FGGY: variants seen among roughly 807,000 people sequenced by gnomAD.
The protein encoded by FGGY is FGGY carbohydrate kinase domain-containing protein.
FGGY carries 72 observed loss-of-function variants against 71.3 expected under a neutral mutation model. That is an observed-to-expected ratio of 1.01 (90% confidence interval 0.84 to 1.23). FGGY has a LOEUF of 1.23. Ranked by LOEUF, FGGY falls within the 50% of genes most tolerant of loss-of-function variation. The pLI is 0.00. For missense variants in FGGY, 668 were observed against 682.3 expected (o/e 0.98, Z 0.23); for synonymous variants, 251 against 250.3 (o/e 1.00, Z -0.02).
chr1:59,735,186 C>T (rs922116623), intron 14 of FGGY, among the ~76,000 whole-genome samples: 1 of 152,150 alleles, frequency 6.6e-6, no homozygotes, highest in Admixed American at 6.5e-5. Flanking sequence ...CCTTCACTCT[C>T]CCCCTCTCCA....
At chr1:59,725,524 CA>C (rs1417002474) in intron 14 of FGGY, among the ~76,000 whole-genome samples, 2 of 152,020 alleles carry the variant, frequency 1.3e-5, no homozygotes, top group Non-Finnish European at 2.9e-5. Context: ...GCTGAAAATT[CA>C]ATTTATTTAT....
chr1:59,697,366 AC>A lies in FGGY; in HGVS notation c.1512+23237del, dbSNP rs2097670001. ...TAACTCTGCATTGCCCCCTCCCCCA[AC>A]CCCTAGCAACCACCATTCTACTTTC... On this transcript the variant is annotated intron_variant, in intron 14 of 15. Coordinates refer to ENST00000303721, the MANE Select transcript of FGGY (RefSeq NM_018291.5). Among the ~76,000 whole-genome samples the A allele has an allele frequency of 2.0e-5, 3 of 151,834 alleles. No individual in the cohort carries two copies. The South Asian group carries it at 6.2e-4, about 32-fold the overall frequency.
chr1:59,548,952 G>T (rs2095566902), intron 7 of FGGY, among the ~76,000 whole-genome samples: 1 of 152,168 alleles, frequency 6.6e-6, no homozygotes, highest in Non-Finnish European at 1.5e-5. Flanking sequence ...ACATAAAGAA[G>T]ATAAGAAATC....
At chr1:59,324,539 G>A (rs1456458105) in intron 2 of FGGY, among the ~76,000 whole-genome samples, 1 of 151,954 alleles carries the variant, frequency 6.6e-6, no homozygotes, top group Non-Finnish European at 1.5e-5. Flanking sequence ...GCCTCCCAAA[G>A]TGCTGGGATT....
At position 59,512,438 on chromosome 1, in the gene FGGY, A is replaced by G. The variant is rs770249678; in HGVS notation, c.798A>G (p.Leu266=). ...TCATTGATGCCCATGCAGGAGGACTAGGTAATCTCTTATTTGTTGCCTACA... is the reference window on the plus strand; with the variant it reads ...TCATTGATGCCCATGCAGGAGGACTGGGTAATCTCTTATTTGTTGCCTACA... The part of the protein sequence containing the change: ...ASLIDAHAGG[L]GVIGADVRGH... The change falls in exon 7 of 16, where the codon CTA becomes CTG. Residue 266 remains leucine, a splice_region_variant and synonymous_variant. Coordinates refer to ENST00000303721, the MANE Select transcript of FGGY (RefSeq NM_018291.5). 9 of 1,612,990 alleles carry G rather than the reference A, an allele frequency of 5.6e-6. No individual in the cohort carries two copies. Among genetic ancestry groups the G allele is most frequent in the Non-Finnish European group, 7.6e-6 (9 of 1,179,460 alleles).
At chr1:59,696,739 A>T (rs934027343) in intron 14 of FGGY, among the ~76,000 whole-genome samples, 1 of 152,232 alleles carries the variant, frequency 6.6e-6, no homozygotes, top group African/African-American at 2.4e-5. Flanking sequence ...TGGCTCGCAA[A>T]AAGGATCTGA....
chr1:59,369,486 C>A (rs898833531), intron 4 of FGGY, among the ~76,000 whole-genome samples: 4 of 152,184 alleles, frequency 2.6e-5, no homozygotes, highest in East Asian at 1.9e-4. Flanking sequence ...GGGGGCAGGG[C>A]ACAGACAAAC....
chr1:59,563,792 A>G (rs1050864684), intron 8 of FGGY, among the ~76,000 whole-genome samples: 1 of 152,184 alleles, frequency 6.6e-6, no homozygotes, highest in African/African-American at 2.4e-5. Flanking sequence ...TTCAAACTCT[A>G]CTACAAGGCT....
At chr1:59,658,176 CTA>C (rs1476482002) in intron 11 of FGGY, among the ~76,000 whole-genome samples, 1 of 152,146 alleles carries the variant, frequency 6.6e-6, no homozygotes, top group Non-Finnish European at 1.5e-5. Flanking sequence ...ATCAGAACAC[CTA>C]CATTCTGGTG....
chr1:59,372,735 G>C (rs996643454), intron 4 of FGGY, among the ~76,000 whole-genome samples: 3 of 152,132 alleles, frequency 2.0e-5, no homozygotes, highest in African/African-American at 7.2e-5. Context: ...GTCATCCCTG[G>C]GATGTAAGGC....
At chr1:59,744,007 A>G (rs993965287) in intron 14 of FGGY, among the ~76,000 whole-genome samples, 5 of 152,236 alleles carry the variant, frequency 3.3e-5, no homozygotes, top group African/African-American at 1.2e-4. Flanking sequence ...CACTCAAGAG[A>G]ACATTACAAG....
At chr1:59,383,601 A>G (rs554376607) in intron 5 of FGGY, among the ~76,000 whole-genome samples, 4 of 152,142 alleles carry the variant, frequency 2.6e-5, no homozygotes, top group African/African-American at 9.6e-5. Flanking sequence ...ACTAACATCA[A>G]CAAACCTTAA....
intron 5 of FGGY, among the ~76,000 whole-genome samples, chr1:59,455,101 T>A (rs889139737): frequency 2.0e-5 from 3 of 152,212 alleles, no homozygotes; most frequent in African/African-American, 7.2e-5. Context: ...TGAATGTGAA[T>A]GAGGTATTTG....
intron 2 of FGGY, among the ~76,000 whole-genome samples, chr1:59,330,135 A>T (rs147869627): frequency 6.6e-6 from 1 of 152,230 alleles, no homozygotes; most frequent in Non-Finnish European, 1.5e-5. Flanking sequence ...ATCATTCTAT[A>T]AATCAAGAAT....
At chr1:59,565,869 T>C (rs1431003169) in intron 8 of FGGY, among the ~76,000 whole-genome samples, 4 of 152,072 alleles carry the variant, frequency 2.6e-5, no homozygotes, top group Admixed American at 2.6e-4. Context: ...ATGATAACAA[T>C]AAAAATAAAC....
chr1:59,379,609 T>G (rs1196679839), intron 5 of FGGY, among the ~76,000 whole-genome samples: 1 of 152,174 alleles, frequency 6.6e-6, no homozygotes, highest in Non-Finnish European at 1.5e-5. Context: ...TTATAAACAC[T>G]GTACCTGTAA....
At chr1:59,383,875 TA>T (rs1252611128) in intron 5 of FGGY, among the ~76,000 whole-genome samples, 2 of 152,188 alleles carry the variant, frequency 1.3e-5, no homozygotes. Context: ...CGTGTCTCCC[TA>T]AAATGTATAG....
intron 8 of FGGY, among the ~76,000 whole-genome samples, chr1:59,605,691 T>C (rs949063794): frequency 1.3e-5 from 2 of 152,134 alleles, no homozygotes; most frequent in African/African-American, 4.8e-5. Flanking sequence ...CTTCCCCCCC[T>C]TCCCATTTTG....
chr1:59,466,686 G>A (rs972707251), intron 6 of FGGY, among the ~76,000 whole-genome samples: 1 of 152,156 alleles, frequency 6.6e-6, no homozygotes, highest in Admixed American at 6.5e-5. Flanking sequence ...CCATCAAAAA[G>A]TGGGCAACGG....
Sources: gnomAD v4.1 joint callset for allele counts (sites outside exome capture counted in the v4.1 genomes callset) on GRCh38, gnomAD v4.1.1 for gene constraint, MANE v1.5 for transcripts, NCBI Gene and HGNC (gene_info 2026-07-23, HGNC 2026-07-21) for gene names.